Variants in ZNF217 observed in about 807,000 individuals in gnomAD.
ZNF217 encodes zinc finger protein 217.
Under a neutral mutation model 73.3 loss-of-function variants are expected in ZNF217, and 12 were observed. The ratio of observed to expected loss-of-function variants is 0.16; its 90% CI spans 0.10 to 0.27. The LOEUF is 0.27. Among genes scored for constraint, ZNF217 ranks in the 10% least tolerant of loss-of-function variants. ZNF217 has a pLI of 1.00. For missense variants in ZNF217, 1,195 were observed against 1,327.8 expected, an observed-to-expected ratio of 0.90 and a Z score of 1.55; for synonymous variants, 588 against 516.4, an observed-to-expected ratio of 1.14 and a Z score of -1.88.
chr20:53,592,961 G>A (rs932501619), intron 1 of ZNF217, among the ~76,000 whole-genome samples: 12 of 151,882 alleles, frequency 7.9e-5, no homozygotes, highest in Non-Finnish European at 1.5e-4. Context: ...CACTAGAATT[G>A]AGTTGTAAAG....
Position 53,590,039 on chromosome 20 carries a change from T to C in ZNF217, c.-343+3717A>G, listed in dbSNP as rs1453173437. On this transcript the variant is annotated intron_variant, in intron 1 of 5. Transcript: ENST00000371471. The stretch of plus-strand genomic sequence containing the variant: ...CAAGATTGAGATTCCTTTAATTCCA[T>C]GTTGGTAGCTGTTCTGTAAATACCT... 2.0e-5 allele frequency among the ~76,000 whole-genome samples: 3 copies of C among 152,016 alleles called. No individual in the cohort carries two copies. The East Asian group carries it at 5.8e-4, about 29-fold the overall frequency.
rs989805800 is a variant in ZNF217, at chr20:53,568,961, G to A, written c.*327C>T. 5 of 173,422 alleles carry A rather than the reference G, an allele frequency of 2.9e-5. No individual in the cohort carries two copies. Among genetic ancestry groups the A allele is most frequent in the Non-Finnish European group, 5.2e-5 (5 of 96,736 alleles). 10.7% of individuals were successfully genotyped at this position (173,422 alleles called of 1,614,324 possible). A position where few individuals can be genotyped will look rare whatever the true frequency, so the allele number is the denominator to read the frequency against. On this transcript the variant is annotated 3_prime_UTR_variant, in exon 6 of 6. Transcript: ENST00000371471. ...ACCCAAATGATTTCTTTTCAGCAGC[G>A]CTCAAGTATGCAAAAATTCCACTTC... is the stretch of plus-strand genomic sequence containing the variant.
At chr20:53,585,800 G>GC (rs1383782625) in intron 1 of ZNF217, among the ~76,000 whole-genome samples, 1 of 152,128 alleles carries the variant, frequency 6.6e-6, no homozygotes, top group East Asian at 1.9e-4. Context: ...AGGGTGAACA[G>GC]CCTGGGAGAC....
At position 53,567,298 on chromosome 20, in the gene ZNF217, A is replaced by G. The variant is rs1430980656; in HGVS notation, c.*1990T>C. ...GAAAAAAAAATATAAAACCAGTAGT[A>G]TACCAATAGTTAATACTGATGGACA... On this transcript the variant is annotated 3_prime_UTR_variant, in exon 6 of 6. Coordinates refer to ENST00000371471, the MANE Select transcript of ZNF217 (RefSeq NM_006526.3). The G allele has an allele frequency of 6.5e-6, 1 of 152,672 alleles. No individual in the cohort carries two copies. The highest frequency in any genetic ancestry group is 6.5e-5 in the Admixed American group (1 of 15,284). The allele number at this position is 152,672 out of a possible 1,614,324, so 9.5% of individuals were successfully genotyped here. A position where few individuals can be genotyped will look rare whatever the true frequency, so the allele number is the denominator to read the frequency against.
chr20:53,588,524 A>G (rs1988774898), intron 1 of ZNF217, among the ~76,000 whole-genome samples: 1 of 151,906 alleles, frequency 6.6e-6, no homozygotes, highest in Admixed American at 6.6e-5. Context: ...ACTGTTAATA[A>G]ACTGTTCTAT....
In ZNF217 at chr20:53,582,178, T is replaced by C; in HGVS notation, c.649A>G (p.Ile217Val). 1 of 1,614,134 alleles carries C rather than the reference T, an allele frequency of 6.2e-7. No individual in the cohort carries two copies. The highest frequency in any genetic ancestry group is 8.5e-7 in the Non-Finnish European group (1 of 1,180,048). Residue 217 changes from isoleucine (I) to valine (V), a missense_variant, in exon 2 of 6, where the codon ATC (isoleucine) becomes GTC (valine). This residue lies in a region of ZNF217 where 126 missense variants were observed against 114.4 expected (regional missense o/e 1.10). Transcript: ENST00000371471. This position sits in a 1 kb window ranked among gnomAD's most constrained non-coding sequence, Gnocchi z 4.8. Reference protein sequence around the residue: ...AAESISSPYKICMVCGFLFPN... With the variant: ...AAESISSPYKVCMVCGFLFPN... ...AATAGGAAGCCACAAACCATGCAGATTTTGTAAGGAGAGGAGATGCTCTCG... is the reference window on the plus strand; with the variant it reads ...AATAGGAAGCCACAAACCATGCAGACTTTGTAAGGAGAGGAGATGCTCTCG...
At chr20:53,584,316 C>T (rs1988613522) in intron 1 of ZNF217, among the ~76,000 whole-genome samples, 1 of 152,222 alleles carries the variant, frequency 6.6e-6, no homozygotes, top group Non-Finnish European at 1.5e-5. Context: ...TTACTTTCCT[C>T]CCTCTCTCTA....
chr20:53,580,630 T>C (rs1392321707), intron 2 of ZNF217, among the ~76,000 whole-genome samples: 2 of 152,232 alleles, frequency 1.3e-5, no homozygotes, highest in Non-Finnish European at 2.9e-5. Context: ...TCACCTTCTC[T>C]TTCTATAAAT....
At chr20:53,573,927 CTGGCGTGGCGG>C (rs1988127298) in intron 4 of ZNF217, among the ~76,000 whole-genome samples, 1 of 151,986 alleles carries the variant, frequency 6.6e-6, no homozygotes, top group Admixed American at 6.6e-5. Context: ...AAAAATTAGG[CTGGCGTGGCGG>C]TGGGTGCCTG....
At position 53,576,633 on chromosome 20, in the gene ZNF217, T is replaced by C. The variant is rs1394749287; in HGVS notation, c.2131A>G (p.Thr711Ala). 1.2e-6 allele frequency: 2 copies of C among 1,614,220 alleles called. No individual in the cohort carries two copies. The highest frequency in any genetic ancestry group is 1.1e-5 in the South Asian group (1 of 91,086). The change falls in exon 4 of 6, where the codon ACC becomes GCC. Residue 711 changes from threonine to alanine, a missense_variant. Around this residue, in one of 9 missense-constraint regions of ZNF217, gnomAD observed 649 missense variants for 642.8 expected, o/e 1.01. Coordinates refer to ENST00000371471, the MANE Select transcript of ZNF217 (RefSeq NM_006526.3). ...GTCTTGAAGGTACAAAATGGACAGG[T>C]GATACTTGGAATCAAACTTTTACTC... is the stretch of plus-strand genomic sequence containing the variant. ...SLSKSLIPSI[T>A]CPFCTFKTFY...
chr20:53,586,694 G>C (rs539518069), intron 1 of ZNF217, among the ~76,000 whole-genome samples: 5 of 152,326 alleles, frequency 3.3e-5, no homozygotes, highest in Admixed American at 2.0e-4. Context: ...TAAAGTGGTT[G>C]TAACAATAAA....
In ZNF217 at chr20:53,571,861, A is replaced by G. The variant is rs181886075; in HGVS notation, c.3038-8T>C. 7.5e-4 allele frequency: 1,119 copies of G among 1,488,896 alleles called. 8 individuals carry two copies. The African/African-American group carries it at 0.014, about 19-fold the overall frequency. 92.2% of individuals were successfully genotyped at this position (1,488,896 alleles called of 1,614,324 possible). A position where few individuals can be genotyped will look rare whatever the true frequency, so the allele number is the denominator to read the frequency against. ...ATGACACAGGCCTTTTTCCTGATTGAAAAAAAAAACATATTTAGAGTTAAG... is the reference window on the plus strand; with the variant it reads ...ATGACACAGGCCTTTTTCCTGATTGGAAAAAAAAACATATTTAGAGTTAAG... On this transcript the variant is annotated splice_polypyrimidine_tract_variant and splice_region_variant and intron_variant, in intron 4 of 5. Transcript: ENST00000371471.
chr20:53,595,215 T>C (rs993747546), upstream of ZNF217, among the ~76,000 whole-genome samples: 7 of 152,212 alleles, frequency 4.6e-5, no homozygotes, highest in African/African-American at 1.2e-4. Flanking sequence ...CGAGGAACCA[T>C]AGACATAACA....
In ZNF217 at chr20:53,581,829, A is replaced by G. The variant is rs555024446; in HGVS notation, c.998T>C (p.Leu333Pro). 51 of 1,614,116 alleles carry G rather than the reference A, an allele frequency of 3.2e-5. No homozygotes were observed. In the South Asian group the frequency reaches 5.6e-4, roughly 18 times the overall value. Residue 333 changes from leucine to proline, a missense_variant, in exon 2 of 6, where the codon CTT (leucine) becomes CCT (proline). Leu to Pro is a moderately conservative substitution (Grantham distance 98, BLOSUM62 -3). This residue lies in a region of ZNF217 where 102 missense variants were observed against 91.9 expected (regional missense o/e 1.11). Transcript: ENST00000371471. The surrounding 1 kb of genome is among the most constrained non-coding windows in gnomAD (Gnocchi z 4.9). ...ACAACTGCCCTTATTTGTTTCTCCA[A>G]GCTCCTTCTCGGAACTCGAATCGTC... ...DNDDSSSEKE[L>P]GETNKGSCAG...
chr20:53,571,608 T>C, intron 5 of ZNF217, 113 bp downstream of exon 5: 1 of 1,325,064 alleles, frequency 7.5e-7, no homozygotes, highest in Non-Finnish European at 1.0e-6. Context: ...GGTTTCACCA[T>C]GTTGGCCAAG....
rs565940349 is a variant in ZNF217, at chr20:53,575,805, G to C, written c.2959C>G (p.Gln987Glu). Residue 987 changes from glutamine (Q) to glutamate (E), a missense_variant, in exon 4 of 6, where the codon CAG becomes GAG. This residue lies in a region of ZNF217 where 649 missense variants were observed against 642.8 expected (regional missense o/e 1.01). Transcript: ENST00000371471. ...GGCCCGGAGCCACCATAGGGCTTCT[G>C]AACAGTCAGCACATTTGGAGAATCG... ...EVDSPNVLTV[Q>E]KPYGGSGPLY... The C allele has an allele frequency of 2.5e-6, 4 of 1,614,026 alleles. No homozygotes were observed. Among genetic ancestry groups the C allele is most frequent in the African/African-American group, 1.3e-5 (1 of 75,074 alleles).
At chr20:53,579,379 GA>G (rs914720138) in intron 2 of ZNF217, among the ~76,000 whole-genome samples, 3 of 150,738 alleles carry the variant, frequency 2.0e-5, no homozygotes, top group Non-Finnish European at 4.4e-5. Flanking sequence ...TCTAAAGAAA[GA>G]AAAAAAAATT....
At chr20:53,590,744 A>G (rs1988849658) in intron 1 of ZNF217, among the ~76,000 whole-genome samples, 1 of 152,242 alleles carries the variant, frequency 6.6e-6, no homozygotes, top group African/African-American at 2.4e-5. Context: ...TTCATAATAA[A>G]TGTTGTTAAG....
intron 3 of ZNF217, 124 bp from the exon 4 acceptor site, chr20:53,577,404 G>T (rs923364390): frequency 1.2e-5 from 10 of 836,468 alleles, no homozygotes; most frequent in Middle Eastern, 3.0e-4. Context: ...CTATCACATA[G>T]GATTTCTCAT....
Sources: gnomAD v4.1 joint callset for allele counts (sites outside exome capture counted in the v4.1 genomes callset) on GRCh38, gnomAD v4.1.1 for gene constraint, gnomAD v4.1.1 regional missense constraint, Gnocchi (gnomAD v3.1) non-coding constraint, MANE v1.5 for transcripts, NCBI Gene and HGNC (gene_info 2026-07-23, HGNC 2026-07-21) for gene names.